CPVL: variants seen among roughly 807,000 people sequenced by gnomAD.
CPVL encodes the protein probable serine carboxypeptidase CPVL.
CPVL carries 51 observed loss-of-function variants against 63.7 expected under a neutral mutation model. That is an observed-to-expected ratio of 0.80 (90% confidence interval 0.64 to 1.01). The LOEUF is 1.01. Ranked by LOEUF, CPVL falls within the 50% of genes least tolerant of loss-of-function variation. CPVL has a pLI of 0.00. For synonymous variants in CPVL, 195 were observed against 206.0 expected (o/e 0.95, Z 0.46); for missense variants, 530 against 573.1 (o/e 0.92, Z 0.77).
chr7:29,051,545 G>A (rs1016899398), intron 11 of CPVL, among the ~76,000 whole-genome samples: 7 of 152,052 alleles, frequency 4.6e-5, no homozygotes, highest in African/African-American at 1.7e-4. Context: ...ACCACCATGC[G>A]ATACCACCTC....
chr7:29,058,134 T>C (rs950858362), intron 11 of CPVL, among the ~76,000 whole-genome samples: 1 of 152,190 alleles, frequency 6.6e-6, no homozygotes, highest in Non-Finnish European at 1.5e-5. Flanking sequence ...TTGACAATAT[T>C]GAGTCTTCAT....
chr7:29,070,347 T>TG (rs1427299587), intron 9 of CPVL, among the ~76,000 whole-genome samples: 1 of 152,222 alleles, frequency 6.6e-6, no homozygotes, highest in Non-Finnish European at 1.5e-5. Flanking sequence ...TTTCTAAATA[T>TG]GGGCCTCTCA....
chr7:29,071,707 T>TCTGGG, intron 9 of CPVL, 66 bp downstream of exon 9: 5 of 867,446 alleles, frequency 5.8e-6, no homozygotes, highest in Non-Finnish European at 7.4e-6. Flanking sequence ...GTGTTCCTGC[T>TCTGGG]CACCCGCCCT....
intron 1 of CPVL, chr7:29,122,561 G>T (rs778318473): frequency 2.0e-5 from 3 of 152,198 alleles, no homozygotes; most frequent in Non-Finnish European, 2.9e-5. Context: ...CCTAGCAGGA[G>T]ATTCAGAAGC....
At chr7:28,998,090 AG>A (rs1199608127) in intron 12 of CPVL, among the ~76,000 whole-genome samples, 1 of 152,214 alleles carries the variant, frequency 6.6e-6, no homozygotes, top group African/African-American at 2.4e-5. Flanking sequence ...ACCCCTTCAT[AG>A]GACTCCAGAG....
At chr7:29,085,209 G>C (rs1253704305) in intron 7 of CPVL, among the ~76,000 whole-genome samples, 1 of 152,154 alleles carries the variant, frequency 6.6e-6, no homozygotes, top group Non-Finnish European at 1.5e-5. Flanking sequence ...TGATTCCAAG[G>C]CTAGGGCAGG....
intron 11 of CPVL, among the ~76,000 whole-genome samples, chr7:29,051,924 TATATATTCCAAATATATATATGA>T (rs1562742248): frequency 2.0e-5 from 2 of 99,222 alleles, no homozygotes; most frequent in Admixed American, 1.3e-4. Context: ...ATTCCACATA[TATATATTCCAAATATATATATGA>T]ATATATATAT....
chr7:29,060,668 G>T (rs1168053354), intron 11 of CPVL, among the ~76,000 whole-genome samples: 1 of 152,186 alleles, frequency 6.6e-6, no homozygotes, highest in East Asian at 1.9e-4. Flanking sequence ...AGTTTACAGA[G>T]AAGCTAATTT....
intron 12 of CPVL, among the ~76,000 whole-genome samples, chr7:29,019,667 G>T (rs1173271164): frequency 2.0e-5 from 3 of 152,184 alleles, no homozygotes; most frequent in Admixed American, 6.5e-5. Flanking sequence ...ATGCTGAAAA[G>T]CAAGTCCATG....
intron 5 of CPVL, among the ~76,000 whole-genome samples, chr7:29,170,704 G>A (rs1796484163): frequency 6.6e-6 from 1 of 152,142 alleles, no homozygotes; most frequent in African/African-American, 2.4e-5. Context: ...TTTTCACACT[G>A]CTGATAAAGA....
rs1782920804 is a variant in CPVL at position 29,064,201 on chromosome 7, A to G, written c.997T>C (p.Leu333=). 1 of 1,613,362 alleles carries G rather than the reference A, an allele frequency of 6.2e-7. No individual in the cohort carries two copies. Among genetic ancestry groups the G allele is most frequent in the Non-Finnish European group, 8.5e-7 (1 of 1,179,490 alleles). Residue 333 remains leucine (L), a synonymous_variant, in exon 11 of 13, where the codon TTG becomes CTG. Transcript: ENST00000265394. ...GCTTGTCTCACCTCTGGGAGTGACA[A>G]AAATTTCACATAGTAAAGCTGATCC... is the stretch of plus-strand genomic sequence containing the variant. The part of the protein sequence containing the change: ...PEDQLYYVKF[L]SLPEVRQAIH...
chr7:29,066,056 T>A lies in CPVL; in HGVS notation c.930A>T (p.Gly310=), dbSNP rs1783106104. ...SDPSYFQNVT[G]CSNYYNFLRC... Reference sequence around the variant, plus strand: ...GCAAAAAGTTATAGTAATTACTACATCCTGTAACATTCTGGAAGTAAGAAG... The same window carrying A: ...GCAAAAAGTTATAGTAATTACTACAACCTGTAACATTCTGGAAGTAAGAAG... The change falls in exon 10 of 13, where the codon GGA becomes GGT. Residue 310 remains glycine (G), a synonymous_variant. Coordinates refer to ENST00000265394, the MANE Select transcript of CPVL (RefSeq NM_031311.5). 3.1e-6 allele frequency: 5 copies of A among 1,608,556 alleles called. No homozygotes were observed. The highest frequency in any genetic ancestry group is 4.3e-6 in the Non-Finnish European group (5 of 1,175,836).
intron 1 of CPVL, among the ~76,000 whole-genome samples, chr7:29,132,233 C>A (rs1352988642): frequency 1.3e-5 from 2 of 152,092 alleles, no homozygotes; most frequent in East Asian, 3.9e-4. Context: ...TAACAGGAAA[C>A]AATGCAGATG....
rs1783103373 is a variant in CPVL, at chr7:29,066,043, A to G, written c.943T>C (p.Tyr315His). 1 of 1,602,164 alleles carries G rather than the reference A, an allele frequency of 6.2e-7. No homozygotes were observed. The highest frequency in any genetic ancestry group is 1.3e-5 in the African/African-American group (1 of 74,544). ...ATTACCGTGCACCGCAAAAAGTTAT[A>G]GTAATTACTACATCCTGTAACATTC... ...FQNVTGCSNYYNFLRCTEPED... is the reference protein window; with the variant it reads ...FQNVTGCSNYHNFLRCTEPED... The change falls in exon 10 of 13, where the codon TAT becomes CAT. Residue 315 changes from tyrosine to histidine, a missense_variant. Physicochemically the swap from Tyr to His is moderately conservative, Grantham distance 83. Transcript: ENST00000265394.
chr7:29,081,082 A>G (rs958049449), intron 7 of CPVL, among the ~76,000 whole-genome samples: 1 of 152,100 alleles, frequency 6.6e-6, no homozygotes, highest in African/African-American at 2.4e-5. Context: ...GGTCCCCCTG[A>G]TCCTGTCACC....
chr7:29,079,394 C>T (rs1345307275), intron 7 of CPVL, among the ~76,000 whole-genome samples: 1 of 152,156 alleles, frequency 6.6e-6, no homozygotes, highest in African/African-American at 2.4e-5. Flanking sequence ...GCTTAGGTTC[C>T]AATGCTGGCT....
chr7:29,074,623 T>TC (rs1784059935), intron 7 of CPVL, among the ~76,000 whole-genome samples: 1 of 151,266 alleles, frequency 6.6e-6, no homozygotes, highest in Non-Finnish European at 1.5e-5. Context: ...TGGTGGGAGG[T>TC]GATTGGATCA....
intron 7 of CPVL, among the ~76,000 whole-genome samples, chr7:29,079,066 C>G (rs926787695): frequency 7.2e-5 from 11 of 152,148 alleles, no homozygotes; most frequent in African/African-American, 2.4e-4. Context: ...CTTGAAACTT[C>G]CACTTACTCT....
At chr7:29,152,734 G>T (rs1454531815) in intron 5 of CPVL, among the ~76,000 whole-genome samples, 1 of 152,230 alleles carries the variant, frequency 6.6e-6, no homozygotes, top group Non-Finnish European at 1.5e-5. Context: ...GGTTGGAAGA[G>T]TTAACGCCAT....
Sources: gnomAD v4.1 joint callset for allele counts (sites outside exome capture counted in the v4.1 genomes callset) on GRCh38, gnomAD v4.1.1 for gene constraint, MANE v1.5 for transcripts, NCBI Gene and HGNC (gene_info 2026-07-23, HGNC 2026-07-21) for gene names.